Variants in ANKRD34B observed in about 807,000 individuals in gnomAD.
The protein encoded by ANKRD34B is ankyrin repeat domain-containing protein 34B.
In ANKRD34B, 2 loss-of-function variants were observed where a neutral mutation model predicts 4.4. That is an observed-to-expected ratio of 0.46 (90% CI 0.19 to 1.44). The LOEUF (loss-of-function observed/expected upper bound fraction) is 1.44, where lower values mean the gene tolerates loss of function less well. Among genes scored for constraint, ANKRD34B ranks in the 40% most tolerant of loss-of-function variants. ANKRD34B has a pLI of 0.26. For synonymous variants in ANKRD34B, 226 were observed against 227.1 expected (o/e 0.99, Z 0.05); for missense variants, 558 against 604.7 (o/e 0.92, Z 0.81).
intron 2 of ANKRD34B, 71 bp downstream of exon 2, chr5:80,568,889 A>G (rs1053778255): frequency 2.2e-5 from 1 of 46,006 alleles, no homozygotes; most frequent in Non-Finnish European, 3.9e-5. Context: ...CTCCCCCCAA[A>G]ACACACACAC....
intron 4 of ANKRD34B, among the ~76,000 whole-genome samples, chr5:80,563,157 A>T (rs939939064): frequency 2.0e-5 from 3 of 152,094 alleles, no homozygotes; most frequent in Admixed American, 6.6e-5. Context: ...AACCTGAAAA[A>T]TTTTTTTAAA....
chr5:80,558,810 A>T lies in ANKRD34B; in HGVS notation c.1210T>A (p.Leu404Met), dbSNP rs1746326329. ...TCCAACAATTCTTTGGACTCTGACA[A>T]TTGGGAAGGAGATGGTGAGAGGATC... ...KKILSPSPSQ[L>M]SESKELLENI... Residue 404 changes from leucine (L) to methionine (M), a missense_variant, in exon 5 of 5, where the codon TTG (leucine) becomes ATG (methionine). Transcript: ENST00000338682. 2.5e-6 allele frequency: 4 copies of T among 1,614,084 alleles called. No homozygotes were observed. The highest frequency in any genetic ancestry group is 3.4e-6 in the Non-Finnish European group (4 of 1,180,016).
chr5:80,558,629 T>C lies in ANKRD34B; in HGVS notation c.1391A>G (p.Asn464Ser), dbSNP rs1002095136. Residue 464 changes from asparagine to serine, a missense_variant, in exon 5 of 5, where the codon AAT becomes AGT. Physicochemically the swap from Asn to Ser is conservative, Grantham distance 46. Coordinates refer to ENST00000338682, the MANE Select transcript of ANKRD34B (RefSeq NM_001004441.3). ...AAGGCTGCAAATCTTGTTGTTGACATTGATATCTGAGATGGGAGGGTGAGA... is the reference window on the plus strand; with the variant it reads ...AAGGCTGCAAATCTTGTTGTTGACACTGATATCTGAGATGGGAGGGTGAGA... ...VNSHPPISDI[N>S]VNNKICSLLS... The C allele has an allele frequency of 1.9e-6, 3 of 1,614,154 alleles. No individual in the cohort carries two copies. Among genetic ancestry groups the C allele is most frequent in the Admixed American group, 1.7e-5 (1 of 60,014 alleles).
In ANKRD34B at chr5:80,559,822, C is replaced by A; in HGVS notation, c.198G>T (p.Met66Ile). ...VDHQSVSKAK[M>I]VKYLLENNAD... ...CATTGTTCTCTAACAGGTATTTCAC[C>A]ATTTTGGCTTTACTGACACTCTGGT... Residue 66 changes from methionine (M) to isoleucine (I), a missense_variant, in exon 5 of 5, where the codon ATG becomes ATT. Coordinates refer to ENST00000338682, the MANE Select transcript of ANKRD34B (RefSeq NM_001004441.3). 1 of 1,614,162 alleles carries A rather than the reference C, an allele frequency of 6.2e-7. No homozygotes were observed. The highest frequency in any genetic ancestry group is 8.5e-7 in the Non-Finnish European group (1 of 1,180,024).
intron 2 of ANKRD34B, among the ~76,000 whole-genome samples, chr5:80,567,637 G>C (rs249205): frequency 2.2e-5 from 2 of 91,696 alleles, no homozygotes; most frequent in Non-Finnish European, 4.4e-5. Flanking sequence ...AAAAAAAAAA[G>C]AAAAGAAAAG....
rs569008486 is a variant in ANKRD34B, at chr5:80,562,199, G to A, written c.-24+1536C>T. ...GCTACTTGAGGTGTGATCCTACCCT[G>A]GCATCACCACCACCAGAAAACTCTT... On this transcript the variant is annotated intron_variant, in intron 4 of 4. Coordinates refer to ENST00000338682, the MANE Select transcript of ANKRD34B (RefSeq NM_001004441.3). Among the ~76,000 whole-genome samples the A allele has an allele frequency of 2.6e-5, 4 of 151,746 alleles. No homozygotes were observed. In the South Asian group the frequency reaches 8.3e-4, roughly 32 times the overall value.
Position 80,558,372 on chromosome 5 carries a change from A to C in ANKRD34B, c.*103T>G, listed in dbSNP as rs1214838171. 1 of 935,458 alleles carries C rather than the reference A, an allele frequency of 1.1e-6. No individual in the cohort carries two copies. The highest frequency in any genetic ancestry group is 1.7e-5 in the African/African-American group (1 of 59,902). The allele number at this position is 935,458 out of a possible 1,614,324, so 57.9% of individuals were successfully genotyped here. A position where few individuals can be genotyped will look rare whatever the true frequency, so the allele number is the denominator to read the frequency against. On this transcript the variant is annotated 3_prime_UTR_variant, in exon 5 of 5. Transcript: ENST00000338682. Reference sequence around the variant, plus strand: ...TTAATCCATCTAGCCATTATGGACTAACCAATCACGAGATTTAAAAGAATG... The same window carrying C: ...TTAATCCATCTAGCCATTATGGACTCACCAATCACGAGATTTAAAAGAATG...
In ANKRD34B at chr5:80,559,298, T is replaced by C; in HGVS notation, c.722A>G (p.Lys241Arg). The part of the protein sequence containing the change: ...RKPALAPKGP[K>R]LPHAPPWVKS... ...GACCCAGGGTGGAGCGTGGGGGAGC[T>C]TGGGCCCCTTAGGGGCCAATGCAGG... Residue 241 changes from lysine to arginine, a missense_variant, in exon 5 of 5, where the codon AAG becomes AGG. Coordinates refer to ENST00000338682, the MANE Select transcript of ANKRD34B (RefSeq NM_001004441.3). 6.2e-7 allele frequency: 1 copy of C among 1,614,096 alleles called. No individual in the cohort carries two copies. Among genetic ancestry groups the C allele is most frequent in the Non-Finnish European group, 8.5e-7 (1 of 1,180,018 alleles).
rs1303943290 is a variant in ANKRD34B, at chr5:80,570,268, GGC to G, written c.-455_-454del. The stretch of plus-strand genomic sequence containing the variant: ...GCTGAGCTGTGGTCTTCGGCTCCTC[GGC>G]GCCTCGAATCGCAGATCTCGGTAGA... On this transcript the variant is annotated 5_prime_UTR_variant, in exon 1 of 5. Coordinates refer to ENST00000338682, the MANE Select transcript of ANKRD34B (RefSeq NM_001004441.3). 10 of 152,226 alleles carry G rather than the reference GGC, an allele frequency of 6.6e-5. No individual in the cohort carries two copies. Among genetic ancestry groups the G allele is most frequent in the African/African-American group, 2.4e-4 (10 of 41,456 alleles). 9.4% of individuals were successfully genotyped at this position (152,226 alleles called of 1,614,324 possible).
At chr5:80,565,911 A>G (rs1746550919) in intron 3 of ANKRD34B, among the ~76,000 whole-genome samples, 1 of 152,174 alleles carries the variant, frequency 6.6e-6, no homozygotes, top group South Asian at 2.1e-4. Context: ...ACATTATTAC[A>G]AGATATTAAT....
rs141716753 is a variant in ANKRD34B, at chr5:80,557,245, T to C, written c.*1230A>G. Reference sequence around the variant, plus strand: ...TCATACTTTGAAGTTATATAGATGATATAATTATTACTTTATAATATTTTA... The same window carrying C: ...TCATACTTTGAAGTTATATAGATGACATAATTATTACTTTATAATATTTTA... On this transcript the variant is annotated 3_prime_UTR_variant, in exon 5 of 5. Transcript: ENST00000338682. 2.0e-5 allele frequency: 3 copies of C among 152,230 alleles called. No individual in the cohort carries two copies. Among genetic ancestry groups the C allele is most frequent in the East Asian group, 1.9e-4 (1 of 5,192 alleles). The allele number at this position is 152,230 out of a possible 1,614,324, so 9.4% of individuals were successfully genotyped here.
At chr5:80,566,992 C>T (rs775053580) in intron 2 of ANKRD34B, among the ~76,000 whole-genome samples, 12 of 152,108 alleles carry the variant, frequency 7.9e-5, no homozygotes, top group African/African-American at 2.2e-4. Flanking sequence ...GTCTGCCATG[C>T]GAGGACTGCT....
intron 2 of ANKRD34B, 134 bp from the exon 3 acceptor site, chr5:80,566,908 A>ACTGATTATGAGTTTGTAAAG (rs1409921582): frequency 6.6e-6 from 1 of 152,468 alleles, no homozygotes; most frequent in Non-Finnish European, 1.5e-5. Context: ...GTCATATCTC[A>ACTGATTATGAGTTTGTAAAG]CTGATTATGA....
Position 80,556,816 on chromosome 5 carries a change from C to T in ANKRD34B, c.*1659G>A, listed in dbSNP as rs1308756917. On this transcript the variant is annotated 3_prime_UTR_variant, in exon 5 of 5. Transcript: ENST00000338682. ...TGAACTAATCTATTTACATACCCTT[C>T]CAAATTGTATCCTTACAACTTGAAG... The T allele has an allele frequency of 5.9e-5, 9 of 152,554 alleles. No homozygotes were observed. The highest frequency in any genetic ancestry group is 5.2e-4 in the Admixed American group (8 of 15,282). 9.5% of individuals were successfully genotyped at this position (152,554 alleles called of 1,614,324 possible).
chr5:80,557,552 T>C lies in ANKRD34B; in HGVS notation c.*923A>G, dbSNP rs1283479674. ...AGTTTTTATCCATGATGAATTTTTT[T>C]TTTTTGGTTCTTTTTGAAAGACAAG... On this transcript the variant is annotated 3_prime_UTR_variant, in exon 5 of 5. Coordinates refer to ENST00000338682, the MANE Select transcript of ANKRD34B (RefSeq NM_001004441.3). 1 of 152,100 alleles carries C rather than the reference T, an allele frequency of 6.6e-6. No homozygotes were observed. The highest frequency in any genetic ancestry group is 2.4e-5 in the African/African-American group (1 of 41,438). 9.4% of individuals were successfully genotyped at this position (152,100 alleles called of 1,614,324 possible).
intron 4 of ANKRD34B, among the ~76,000 whole-genome samples, chr5:80,560,888 G>A (rs1199364528): frequency 6.6e-6 from 1 of 152,106 alleles, no homozygotes; most frequent in Middle Eastern, 3.2e-3. Flanking sequence ...TATTGTTTGG[G>A]CTACAACGTG....
Position 80,559,495 on chromosome 5 carries a change from A to G in ANKRD34B, c.525T>C (p.Asp175=), listed in dbSNP as rs536757130. Residue 175 remains aspartate, a synonymous_variant, in exon 5 of 5, where the codon GAT becomes GAC. Coordinates refer to ENST00000338682, the MANE Select transcript of ANKRD34B (RefSeq NM_001004441.3). Reference sequence around the variant, plus strand: ...TGCAGGTAGCTGGGGAATGACACCCATCTATATCCACAGGAGGCATATTTA... The same window carrying G: ...TGCAGGTAGCTGGGGAATGACACCCGTCTATATCCACAGGAGGCATATTTA... ...QYLNMPPVDI[D]GCHSPATCTT... The G allele has an allele frequency of 1.2e-6, 2 of 1,614,188 alleles. No homozygotes were observed. Among genetic ancestry groups the G allele is most frequent in the Admixed American group, 1.7e-5 (1 of 60,024 alleles).
rs1746325529 is a variant in ANKRD34B at position 80,558,782 on chromosome 5, T to G, written c.1238A>C (p.Asn413Thr). ...CCTGCTCAGGGGACCTGGGGGGATA[T>G]TCTCCAACAATTCTTTGGACTCTGA... ...QLSESKELLE[N>T]IPPGPLSRRN... The change falls in exon 5 of 5, where the codon AAT becomes ACT. Residue 413 changes from asparagine to threonine, a missense_variant. Asn to Thr is a moderately conservative substitution (Grantham distance 65). Coordinates refer to ENST00000338682, the MANE Select transcript of ANKRD34B (RefSeq NM_001004441.3). 1.2e-6 allele frequency: 2 copies of G among 1,614,184 alleles called. No individual in the cohort carries two copies. The highest frequency in any genetic ancestry group is 1.7e-5 in the Admixed American group (1 of 60,030).
In ANKRD34B at chr5:80,564,656, T is replaced by C. The variant is rs573721655; in HGVS notation, c.-104-841A>G. ...CAAAACCAGCCCCATGAGGTTGACT[T>C]TTTCCTCATTATAAAGACTTTTAAA... On this transcript the variant is annotated intron_variant, in intron 3 of 4. Transcript: ENST00000338682. 8.6e-5 allele frequency among the ~76,000 whole-genome samples: 13 copies of C among 152,040 alleles called. 1 individual carries two copies. Among genetic ancestry groups the C allele is most frequent in the African/African-American group, 2.9e-4 (12 of 41,486 alleles).
Sources: allele counts gnomAD v4.1 joint callset (sites outside exome capture counted in the v4.1 genomes callset), GRCh38; gene constraint gnomAD v4.1.1; transcripts MANE v1.5; gene names NCBI Gene and HGNC (gene_info 2026-07-23, HGNC 2026-07-21).